The following CSMD2 variants were observed in gnomAD, a reference collection of about 807,000 sequenced individuals.
CSMD2 encodes the protein CUB and Sushi multiple domains 2, also known as CUB and sushi domain-containing protein 2.
Under a neutral mutation model 398.5 loss-of-function variants are expected in CSMD2, and 130 were observed. That is an observed-to-expected ratio of 0.33 (90% CI 0.28 to 0.38). The LOEUF (loss-of-function observed/expected upper bound fraction) is 0.38, where lower values mean the gene tolerates loss of function less well. CSMD2 is among the 10% of genes least tolerant of loss of function. The probability of loss-of-function intolerance (pLI) is 1.00; values close to 1 mark genes in which losing one functional copy is unlikely to be tolerated. For synonymous variants in CSMD2, 1,828 were observed against 1,908.5 expected (o/e 0.96, Z 1.10); for missense variants, 3,829 against 4,764.9 (o/e 0.80, Z 5.78).
chr1:33,954,926 C>T (rs1645117544), intron 3 of CSMD2, among the ~76,000 whole-genome samples: 2 of 152,146 alleles, frequency 1.3e-5, no homozygotes, highest in African/African-American at 2.4e-5. Flanking sequence ...TACTTAATGC[C>T]AATGAACTAA....
intron 5 of CSMD2, among the ~76,000 whole-genome samples, chr1:33,854,271 T>C (rs941577323): frequency 2.6e-5 from 4 of 152,204 alleles, no homozygotes; most frequent in Non-Finnish European, 5.9e-5. Flanking sequence ...ACAGGAGCTG[T>C]TTCTTTCTTT....
intron 64 of CSMD2, among the ~76,000 whole-genome samples, 194 bp from the exon 65 acceptor site, chr1:33,527,452 T>C (rs1654875766): frequency 6.6e-6 from 1 of 152,142 alleles, no homozygotes; most frequent in Admixed American, 6.5e-5. Flanking sequence ...GAATAAAAAA[T>C]ACAAAGAATT....
chr1:33,855,397 G>C (rs1334496506), intron 5 of CSMD2, among the ~76,000 whole-genome samples: 1 of 152,150 alleles, frequency 6.6e-6, no homozygotes, highest in Non-Finnish European at 1.5e-5. Flanking sequence ...GGTTTGGATG[G>C]AGAGAAGGGC....
At chr1:33,574,345 A>C (rs924512003) in intron 49 of CSMD2, among the ~76,000 whole-genome samples, 4 of 152,364 alleles carry the variant, frequency 2.6e-5, no homozygotes, top group Admixed American at 2.6e-4. Flanking sequence ...TTATGTTTAT[A>C]GGAGGAATAG....
intron 3 of CSMD2, among the ~76,000 whole-genome samples, chr1:33,950,925 G>A (rs1644989363): frequency 6.6e-6 from 1 of 152,240 alleles, no homozygotes; most frequent in Admixed American, 6.5e-5. Context: ...CCACCATGGT[G>A]ATTGTTCACC....
rs137947337 is a variant in CSMD2, at chr1:33,568,788, A to G, written c.8131+586T>C. Among the ~76,000 whole-genome samples the G allele has an allele frequency of 1.3e-3, 195 of 152,270 alleles. 1 individual carries two copies. The highest frequency in any genetic ancestry group is 6.8e-3 in the Middle Eastern group (2 of 294). ...GACAGCACTGTTCACCCCAGGACAGACCATTCAATCTATCCTATTAGGTTT... is the reference window on the plus strand; with the variant it reads ...GACAGCACTGTTCACCCCAGGACAGGCCATTCAATCTATCCTATTAGGTTT... On this transcript the variant is annotated intron_variant, in intron 52 of 70. Transcript: ENST00000373381.
intron 2 of CSMD2, among the ~76,000 whole-genome samples, chr1:34,057,978 CAG>C: frequency 6.6e-6 from 1 of 152,264 alleles, no homozygotes; most frequent in Middle Eastern, 3.4e-3. Context: ...CTGTTTCTGG[CAG>C]GCTTGGCTTC....
chr1:34,072,269 G>C (rs988442350), intron 2 of CSMD2, among the ~76,000 whole-genome samples: 3 of 152,196 alleles, frequency 2.0e-5, no homozygotes, highest in Admixed American at 1.3e-4. Context: ...TCAATACTTG[G>C]GAAGTGTTTA....
intron 56 of CSMD2, among the ~76,000 whole-genome samples, 182 bp from the exon 57 acceptor site, chr1:33,546,401 C>G (rs1001014399): frequency 2.6e-5 from 4 of 152,198 alleles, no homozygotes; most frequent in African/African-American, 7.2e-5. Context: ...ACACAAAGAT[C>G]TGAGGCCATG....
chr1:33,569,265 T>A (rs1659353576), intron 52 of CSMD2, 109 bp downstream of exon 52: 4 of 1,189,216 alleles, frequency 3.4e-6, no homozygotes, highest in Non-Finnish European at 4.6e-6. Flanking sequence ...AAGCATTTTA[T>A]GTCAATAGGT....
intron 41 of CSMD2, among the ~76,000 whole-genome samples, chr1:33,606,612 A>C (rs1468084476): frequency 6.6e-6 from 1 of 152,236 alleles, no homozygotes; most frequent in Non-Finnish European, 1.5e-5. Flanking sequence ...CGAAAGTCTC[A>C]GCGGAAGCAG....
At position 33,605,313 on chromosome 1, in the gene CSMD2, C is replaced by T; in HGVS notation, c.6501G>A (p.Arg2167=). The T allele has an allele frequency of 1.2e-6, 2 of 1,614,154 alleles. No homozygotes were observed. The highest frequency in any genetic ancestry group is 1.7e-6 in the Non-Finnish European group (2 of 1,180,026). ...ACTTGGGCAGGGGGTGGTCCCAGTT[C>T]CGGTTGGTGCCATGTTGACACGTGA... The part of the protein sequence containing the change: ...PVLTCQHGTN[R]NWDHPLPKCE... The change falls in exon 42 of 71, where the codon CGG becomes CGA. Residue 2167 remains arginine, a synonymous_variant. Coordinates refer to ENST00000373381, the MANE Select transcript of CSMD2 (RefSeq NM_001281956.2).
intron 5 of CSMD2, among the ~76,000 whole-genome samples, chr1:33,887,738 C>G (rs925760696): frequency 6.6e-6 from 1 of 151,974 alleles, no homozygotes; most frequent in Admixed American, 6.6e-5. Flanking sequence ...CCTATCACTC[C>G]TCTTTAATAT....
intron 3 of CSMD2, among the ~76,000 whole-genome samples, chr1:33,994,148 T>C (rs986983748): frequency 9.9e-5 from 15 of 152,094 alleles, no homozygotes; most frequent in Admixed American, 5.9e-4. Context: ...AAAAAGATAA[T>C]TGAGGCAGAG....
chr1:33,735,770 A>C (rs943238569), intron 15 of CSMD2, among the ~76,000 whole-genome samples: 2 of 152,230 alleles, frequency 1.3e-5, no homozygotes, highest in African/African-American at 4.8e-5. Flanking sequence ...AGATTTTCTA[A>C]AAGACCATTA....
At chr1:33,948,885 A>T (rs1644919026) in intron 3 of CSMD2, among the ~76,000 whole-genome samples, 1 of 152,178 alleles carries the variant, frequency 6.6e-6, no homozygotes, top group Admixed American at 6.5e-5. Flanking sequence ...GTAGGGATCA[A>T]GGGCTGTCAG....
At chr1:33,661,119 G>A (rs1339642854) in intron 26 of CSMD2, among the ~76,000 whole-genome samples, 1 of 152,210 alleles carries the variant, frequency 6.6e-6, no homozygotes, top group Non-Finnish European at 1.5e-5. Flanking sequence ...TCTGTCCCGC[G>A]TGGCTACACT....
At chr1:34,134,605 C>CA (rs1638522812) in intron 1 of CSMD2, among the ~76,000 whole-genome samples, 1 of 152,012 alleles carries the variant, frequency 6.6e-6, no homozygotes, top group Non-Finnish European at 1.5e-5. Context: ...TCTCTCTATG[C>CA]AAAAAATAAA....
chr1:34,052,378 G>A (rs1026591207), intron 2 of CSMD2, among the ~76,000 whole-genome samples: 1 of 151,832 alleles, frequency 6.6e-6, no homozygotes, highest in African/African-American at 2.4e-5. Flanking sequence ...TAAGGGATAT[G>A]GGAGGATATG....
Sources: allele counts gnomAD v4.1 joint callset (sites outside exome capture counted in the v4.1 genomes callset), GRCh38; gene constraint gnomAD v4.1.1; transcripts MANE v1.5; gene names NCBI Gene and HGNC (gene_info 2026-07-23, HGNC 2026-07-21).